The following NCAM2 variants were observed in gnomAD, a reference collection of about 807,000 sequenced individuals.
NCAM2 encodes neural cell adhesion molecule 2.
Under a neutral mutation model 98.1 loss-of-function variants are expected in NCAM2, and 30 were observed. The observed-to-expected ratio is 0.31, with a 90% CI of 0.23 to 0.41. The LOEUF (loss-of-function observed/expected upper bound fraction) is 0.41. Among genes scored for constraint, NCAM2 ranks in the 10% least tolerant of loss-of-function variants. The pLI is 1.00. For synonymous variants in NCAM2, 368 were observed against 342.4 expected (o/e 1.07, Z -0.83); for missense variants, 867 against 1,005.8 (o/e 0.86, Z 1.87).
chr21:21,171,778 A>G (rs1232927969), intron 1 of NCAM2, among the ~76,000 whole-genome samples: 1 of 152,218 alleles, frequency 6.6e-6, no homozygotes, highest in Non-Finnish European at 1.5e-5. Flanking sequence ...ATTACAACAC[A>G]GGATAAATTT....
At chr21:21,147,677 G>A (rs895804172) in intron 1 of NCAM2, among the ~76,000 whole-genome samples, 9 of 146,556 alleles carry the variant, frequency 6.1e-5, no homozygotes, top group Non-Finnish European at 1.2e-4. Flanking sequence ...ACACACTAGC[G>A]CATATGCACA....
intron 1 of NCAM2, among the ~76,000 whole-genome samples, chr21:21,263,504 T>A (rs552914500): frequency 5.3e-5 from 8 of 152,006 alleles, no homozygotes; most frequent in African/African-American, 1.7e-4. Context: ...AAAAATTTTT[T>A]AAAAATCTAA....
At chr21:21,369,932 G>A (rs754945857) in intron 8 of NCAM2, among the ~76,000 whole-genome samples, 4 of 151,386 alleles carry the variant, frequency 2.6e-5, no homozygotes, top group Non-Finnish European at 4.4e-5. Context: ...TTATTGGTGA[G>A]GGCTGACTTT....
intron 12 of NCAM2, among the ~76,000 whole-genome samples, chr21:21,463,126 C>T (rs1406293649): frequency 6.6e-6 from 1 of 152,058 alleles, no homozygotes; most frequent in Admixed American, 6.6e-5. Context: ...CTTTCATTTT[C>T]CAAGTGGTAG....
At chr21:21,121,908 G>T (rs1250804267) in intron 1 of NCAM2, among the ~76,000 whole-genome samples, 3 of 152,212 alleles carry the variant, frequency 2.0e-5, no homozygotes, top group African/African-American at 7.2e-5. Flanking sequence ...ATGAGACAGG[G>T]TAAAGTGAAA....
intron 11 of NCAM2, among the ~76,000 whole-genome samples, chr21:21,431,269 C>T (rs1433271759): frequency 2.0e-5 from 3 of 150,320 alleles, no homozygotes; most frequent in Admixed American, 2.0e-4. Flanking sequence ...GTTAATGTGT[C>T]TCTAAATCTT....
intron 1 of NCAM2, among the ~76,000 whole-genome samples, chr21:21,123,886 C>T (rs1201994213): frequency 1.8e-5 from 2 of 110,490 alleles, no homozygotes; most frequent in African/African-American, 3.4e-5. Flanking sequence ...CTCACTCTGT[C>T]GCCAGGCTAC....
At chr21:21,469,083 C>T (rs188849351) in intron 14 of NCAM2, among the ~76,000 whole-genome samples, 32 of 152,028 alleles carry the variant, frequency 2.1e-4, no homozygotes, top group Admixed American at 2.0e-3. Context: ...ACAAGCTTCT[C>T]ATTTTATTTG....
intron 15 of NCAM2, among the ~76,000 whole-genome samples, chr21:21,488,966 T>G (rs182854429): frequency 8.5e-5 from 13 of 152,056 alleles, no homozygotes; most frequent in African/African-American, 2.9e-4. Context: ...TTATGTTTTC[T>G]TTTTCTATTT....
At chr21:21,011,321 A>G (rs2064206173) in intron 1 of NCAM2, among the ~76,000 whole-genome samples, 1 of 152,084 alleles carries the variant, frequency 6.6e-6, no homozygotes, top group Admixed American at 6.6e-5. Flanking sequence ...TGATTCTAAA[A>G]TGATGCTCAT....
At chr21:21,072,683 A>AT (rs2146370544) in intron 1 of NCAM2, among the ~76,000 whole-genome samples, 1 of 152,292 alleles carries the variant, frequency 6.6e-6, no homozygotes, top group East Asian at 1.9e-4. Flanking sequence ...CAAATTGTTG[A>AT]GTGCCCATTA....
At chr21:21,225,704 A>G (rs2070354468) in intron 1 of NCAM2, among the ~76,000 whole-genome samples, 1 of 152,090 alleles carries the variant, frequency 6.6e-6, no homozygotes, top group Non-Finnish European at 1.5e-5. Context: ...TTAAAGTTGT[A>G]AATTATGCAG....
At chr21:21,052,480 T>G (rs2065130255) in intron 1 of NCAM2, among the ~76,000 whole-genome samples, 1 of 152,122 alleles carries the variant, frequency 6.6e-6, no homozygotes. Flanking sequence ...ATATTCTATT[T>G]CAGGTGTGAC....
At chr21:21,126,119 T>G (rs1455714486) in intron 1 of NCAM2, among the ~76,000 whole-genome samples, 1 of 151,636 alleles carries the variant, frequency 6.6e-6, no homozygotes, top group Non-Finnish European at 1.5e-5. Context: ...TCTCAAGTTG[T>G]TCTTCTTAGA....
chr21:21,296,080 A>G (rs190126849), intron 5 of NCAM2, among the ~76,000 whole-genome samples: 3 of 151,960 alleles, frequency 2.0e-5, no homozygotes, highest in Admixed American at 6.6e-5. Context: ...AGTGCTGGCT[A>G]TATGTTTTAC....
chr21:21,292,249 G>T lies in NCAM2; in HGVS notation c.619+8G>T. On this transcript the variant is annotated splice_region_variant and intron_variant, in intron 5 of 17. Coordinates refer to ENST00000400546, the MANE Select transcript of NCAM2 (RefSeq NM_004540.5). Reference sequence around the variant, plus strand: ...TCATTGTTATTGTTAATGGTAAGCAGTAAATAATTTGTACATGTTTTATGG... The same window carrying T: ...TCATTGTTATTGTTAATGGTAAGCATTAAATAATTTGTACATGTTTTATGG... 6.3e-7 allele frequency: 1 copy of T among 1,598,832 alleles called. No homozygotes were observed. The highest frequency in any genetic ancestry group is 2.3e-5 in the East Asian group (1 of 44,348).
chr21:21,359,718 A>C (rs1446796257), intron 8 of NCAM2, among the ~76,000 whole-genome samples: 3 of 151,970 alleles, frequency 2.0e-5, no homozygotes, highest in African/African-American at 7.2e-5. Flanking sequence ...CATATTCTAC[A>C]TACAGAATTC....
intron 5 of NCAM2, among the ~76,000 whole-genome samples, chr21:21,310,431 A>G (rs1228130994): frequency 2.0e-5 from 3 of 152,190 alleles, no homozygotes; most frequent in Non-Finnish European, 4.4e-5. Flanking sequence ...GGTAGATCAG[A>G]GCAATGATTT....
intron 1 of NCAM2, among the ~76,000 whole-genome samples, chr21:21,228,944 TAAAAC>T (rs1199465033): frequency 1.3e-5 from 2 of 151,592 alleles, no homozygotes; most frequent in Non-Finnish European, 3.0e-5. Context: ...TTTTTAAACA[TAAAAC>T]AAGTAATTTC....
Sources: gnomAD v4.1 joint callset for allele counts (sites outside exome capture counted in the v4.1 genomes callset) on GRCh38, gnomAD v4.1.1 for gene constraint, MANE v1.5 for transcripts, NCBI Gene and HGNC (gene_info 2026-07-23, HGNC 2026-07-21) for gene names.